TMEM237: variants seen among roughly 807,000 people sequenced by gnomAD.
The protein encoded by TMEM237 is amyotrophic lateral sclerosis 2 (juvenile) chromosome region, candidate 4.
In TMEM237, 51 loss-of-function variants were observed where a neutral mutation model predicts 59.1. The ratio of observed to expected loss-of-function variants is 0.86; its 90% CI spans 0.69 to 1.09. The LOEUF is 1.09. TMEM237 is among the 50% of genes least tolerant of loss of function. The pLI is 0.00. For missense variants in TMEM237, 475 were observed against 478.3 expected (o/e 0.99, Z 0.06); for synonymous variants, 140 against 166.1 (o/e 0.84, Z 1.21).
At position 201,629,429 on chromosome 2, in the gene TMEM237, GA is replaced by G; in HGVS notation, c.678-9del. On this transcript the variant is annotated splice_polypyrimidine_tract_variant and intron_variant, in intron 8 of 12. Transcript: ENST00000409883. The stretch of plus-strand genomic sequence containing the variant: ...GAAAAGAGACCAATCATCCTGAATG[GA>G]AAAGGGTTTGATTATTATACATGAA... The G allele has an allele frequency of 6.5e-7, 1 of 1,542,752 alleles. No homozygotes were observed. Among genetic ancestry groups the G allele is most frequent in the Admixed American group, 2.3e-5 (1 of 43,178 alleles).
rs879123297 is a variant in TMEM237 at position 201,638,870 on chromosome 2, C to T, written c.136+119G>A. ...GCTTCAAACTGGCCTTAATTCTATC[C>T]TCAATGAAGTGGAGATTCGGGGCTG... On this transcript the variant is annotated intron_variant, in intron 4 of 12. Coordinates refer to ENST00000409883, the MANE Select transcript of TMEM237 (RefSeq NM_001044385.3). 1.1e-5 allele frequency: 11 copies of T among 1,013,856 alleles called. No homozygotes were observed. In the South Asian group the frequency reaches 1.8e-4, roughly 16 times the overall value. 62.8% of individuals were successfully genotyped at this position (1,013,856 alleles called of 1,614,324 possible).
At chr2:201,640,622 T>A (rs1039457214) in intron 2 of TMEM237, among the ~76,000 whole-genome samples, 156 of 146,634 alleles carry the variant, frequency 1.1e-3, no homozygotes, top group East Asian at 2.4e-3. Flanking sequence ...AATTCTGATT[T>A]AAAAAAAAAA....
intron 5 of TMEM237, 178 bp downstream of exon 5, chr2:201,636,570 G>C: frequency 1.5e-6 from 1 of 663,534 alleles, no homozygotes; most frequent in Non-Finnish European, 2.5e-6. Flanking sequence ...AAAGAGACCT[G>C]TAAAGTATTC....
intron 10 of TMEM237, 65 bp from the exon 11 acceptor site, chr2:201,627,479 A>G: frequency 2.8e-6 from 3 of 1,073,540 alleles, no homozygotes; most frequent in Non-Finnish European, 4.1e-6. Flanking sequence ...GAATTTATAG[A>G]TTAATATCGA....
In TMEM237 at chr2:201,628,080, A is replaced by C; in HGVS notation, c.939T>G (p.Ser313=). ...CATGTTAAACTGCTTACTCACAGAA[A>C]GATGCTAAAGCTGTAGGATCCAGGG... is the stretch of plus-strand genomic sequence containing the variant. ...FLALDPTALA[S]FLYFTALILS... Residue 313 remains serine, a synonymous_variant, in exon 10 of 13, where the codon TCT becomes TCG. Coordinates refer to ENST00000409883, the MANE Select transcript of TMEM237 (RefSeq NM_001044385.3). 6.2e-7 allele frequency: 1 copy of C among 1,606,510 alleles called. No homozygotes were observed. The highest frequency in any genetic ancestry group is 1.3e-5 in the African/African-American group (1 of 74,946).
chr2:201,628,441 C>G (rs904852616), intron 9 of TMEM237, among the ~76,000 whole-genome samples: 1 of 152,096 alleles, frequency 6.6e-6, no homozygotes, highest in Non-Finnish European at 1.5e-5. Flanking sequence ...CTTTCTATTA[C>G]CCATATCATT....
In TMEM237 at chr2:201,628,165, G is replaced by T. The variant is rs202109413; in HGVS notation, c.870-16C>A. ...AAAGTCAATCCTAGAAAATATAAAA[G>T]TTTCTTGTCACAGCGCAGTTGTAAA... On this transcript the variant is annotated splice_polypyrimidine_tract_variant and intron_variant, in intron 9 of 12. Transcript: ENST00000409883. The T allele has an allele frequency of 5.8e-6, 9 of 1,557,776 alleles. No individual in the cohort carries two copies. Among genetic ancestry groups the T allele is most frequent in the Middle Eastern group, 1.7e-4 (1 of 5,954 alleles).
chr2:201,642,712 A>G, intron 1 of TMEM237: 1 of 1,560,076 alleles, frequency 6.4e-7, no homozygotes, highest in South Asian at 1.2e-5. Flanking sequence ...CGCAGGCGCA[A>G]TGCGTCATCG....
chr2:201,627,847 A>G (rs988052171), intron 10 of TMEM237, among the ~76,000 whole-genome samples: 3 of 152,206 alleles, frequency 2.0e-5, no homozygotes, highest in South Asian at 2.1e-4. Flanking sequence ...TAAGTAATAT[A>G]GTACAATAAA....
chr2:201,639,598 C>T (rs1341284297), intron 3 of TMEM237, among the ~76,000 whole-genome samples: 1 of 152,192 alleles, frequency 6.6e-6, no homozygotes, highest in Admixed American at 6.5e-5. Context: ...GAGTTCGACA[C>T]CAGCCTGGCC....
intron 6 of TMEM237, 82 bp from the exon 7 acceptor site, chr2:201,632,290 A>G: frequency 6.8e-7 from 1 of 1,464,796 alleles, no homozygotes; most frequent in Non-Finnish European, 9.4e-7. Context: ...TATAAATATA[A>G]TGGAAAGGGC....
At position 201,627,327 on chromosome 2, in the gene TMEM237, C is replaced by A; in HGVS notation, c.1031G>T (p.Ser344Ile). 1 of 1,603,840 alleles carries A rather than the reference C, an allele frequency of 6.2e-7. No individual in the cohort carries two copies. The highest frequency in any genetic ancestry group is 8.5e-7 in the Non-Finnish European group (1 of 1,174,278). The part of the protein sequence containing the change: ...HLYTPSSVNG[S>I]LWEAGIEEQI... Reference sequence around the variant, plus strand: ...TGTCATTGTGAATTCTTACCAGAGGCTACCATTAACAGAAGAAGGTGTGTA... The same window carrying A: ...TGTCATTGTGAATTCTTACCAGAGGATACCATTAACAGAAGAAGGTGTGTA... The change falls in exon 11 of 13, where the codon AGC becomes ATC. Residue 344 changes from serine (S) to isoleucine (I), a missense_variant. Coordinates refer to ENST00000409883, the MANE Select transcript of TMEM237 (RefSeq NM_001044385.3).
chr2:201,625,096 G>C (rs1020830861), intron 12 of TMEM237, among the ~76,000 whole-genome samples: 9 of 152,164 alleles, frequency 5.9e-5, no homozygotes, highest in African/African-American at 2.2e-4. Flanking sequence ...AGGCGCGGTG[G>C]CTCACGCCTT....
At chr2:201,642,692 C>A in intron 1 of TMEM237, 2 of 1,591,602 alleles carry the variant, frequency 1.3e-6, no homozygotes, top group Non-Finnish European at 1.7e-6. Flanking sequence ...CCTCCCGGCT[C>A]GGTCGCGCGC....
rs1322889552 is a variant in TMEM237, at chr2:201,624,321, C to A, written c.1161G>T (p.Glu387Asp). 6.2e-7 allele frequency: 1 copy of A among 1,610,046 alleles called. No individual in the cohort carries two copies. The highest frequency in any genetic ancestry group is 1.1e-5 in the South Asian group (1 of 90,452). ...SYRPGMDLSEELMFSSEVEEY... is the reference protein window; with the variant it reads ...SYRPGMDLSEDLMFSSEVEEY... ...CTTCCACCTCTGAGGAGAACATTAACTCTGGAGAAGAAAATGAACAGATCA... is the reference window on the plus strand; with the variant it reads ...CTTCCACCTCTGAGGAGAACATTAAATCTGGAGAAGAAAATGAACAGATCA... Residue 387 changes from glutamate to aspartate, a missense_variant and splice_region_variant, in exon 13 of 13, where the codon GAG (glutamate) becomes GAT (aspartate). By Grantham distance (45) the Glu-to-Asp change is conservative. Transcript: ENST00000409883.
chr2:201,634,106 G>T (rs997921490), intron 5 of TMEM237, among the ~76,000 whole-genome samples: 1 of 152,170 alleles, frequency 6.6e-6, no homozygotes, highest in Non-Finnish European at 1.5e-5. Context: ...ATCAGTGTAG[G>T]GAGCTGTTTA....
chr2:201,638,195 G>T lies in TMEM237; in HGVS notation c.136+794C>A, dbSNP rs142604838. ...TGAAGTCACTGTTTAAGAATACATAGAACTCTATGTATTAAGAAACAAAGA... is the reference window on the plus strand; with the variant it reads ...TGAAGTCACTGTTTAAGAATACATATAACTCTATGTATTAAGAAACAAAGA... On this transcript the variant is annotated intron_variant, in intron 4 of 12. Coordinates refer to ENST00000409883, the MANE Select transcript of TMEM237 (RefSeq NM_001044385.3). 1.9e-3 allele frequency among the ~76,000 whole-genome samples: 289 copies of T among 152,298 alleles called. 2 individuals carry two copies. Among genetic ancestry groups the T allele is most frequent in the Non-Finnish European group, 2.3e-3 (158 of 68,022 alleles).
intron 4 of TMEM237, among the ~76,000 whole-genome samples, chr2:201,637,855 T>A (rs1200407464): frequency 6.6e-6 from 1 of 151,984 alleles, no homozygotes; most frequent in African/African-American, 2.4e-5. Context: ...CCCACTAAAT[T>A]AACAAAAAAA....
chr2:201,628,172 G>A (rs1404880862), intron 9 of TMEM237, 23 bp from the exon 10 acceptor site: 3 of 1,530,210 alleles, frequency 2.0e-6, no homozygotes. Context: ...AAAGTTTCTT[G>A]TCACAGCGCA....
Sources: allele counts gnomAD v4.1 joint callset (sites outside exome capture counted in the v4.1 genomes callset), GRCh38; gene constraint gnomAD v4.1.1; transcripts MANE v1.5; gene names NCBI Gene and HGNC (gene_info 2026-07-23, HGNC 2026-07-21).